The following TDRD10 variants were observed in gnomAD, a reference collection of about 807,000 sequenced individuals.
The protein encoded by TDRD10 is tudor domain-containing protein 10.
TDRD10 carries 40 observed loss-of-function variants against 48.0 expected under a neutral mutation model. That is an observed-to-expected ratio of 0.83 (90% CI 0.65 to 1.09). The LOEUF is 1.09. Ranked by LOEUF, TDRD10 falls within the 50% of genes least tolerant of loss-of-function variation. The pLI is 0.00. For synonymous variants in TDRD10, 162 were observed against 170.4 expected (o/e 0.95, Z 0.38); for missense variants, 378 against 434.7 (o/e 0.87, Z 1.16).
chr1:154,520,395 G>C (rs749435619), intron 5 of TDRD10, 21 bp downstream of exon 5: 4 of 1,601,582 alleles, frequency 2.5e-6, no homozygotes, highest in Admixed American at 3.3e-5. Context: ...TTCTTTCTTT[G>C]TTTTCTTTGG....
intron 6 of TDRD10, among the ~76,000 whole-genome samples, chr1:154,537,484 A>C (rs1694982971): frequency 2.0e-5 from 3 of 152,226 alleles, no homozygotes; most frequent in Admixed American, 2.0e-4. Flanking sequence ...CACATGCAAA[A>C]TTTCCACCAG....
intron 6 of TDRD10, among the ~76,000 whole-genome samples, chr1:154,524,408 C>T (rs576195774): frequency 1.8e-4 from 28 of 152,326 alleles, no homozygotes; most frequent in African/African-American, 6.7e-4. Flanking sequence ...CTTAAGTGAT[C>T]TGCCCACCTT....
Position 154,507,355 on chromosome 1 carries a change from C to T in TDRD10, c.82+35C>T, listed in dbSNP as rs1227917557. On this transcript the variant is annotated intron_variant, in intron 3 of 12. Transcript: ENST00000368482. ...GCTGGGGGATTCGCTGGTGCTGGGA[C>T]TCTCATCCTACAACTTGGATTCCAG... 7 of 1,609,960 alleles carry T rather than the reference C, an allele frequency of 4.3e-6. No individual in the cohort carries two copies. The South Asian group carries it at 5.5e-5, about 13-fold the overall frequency.
intron 6 of TDRD10, among the ~76,000 whole-genome samples, chr1:154,523,221 T>C (rs4584384): frequency 0.59 from 89,747 of 151,994 alleles, 27,083 homozygotes; most frequent in East Asian, 0.76. Context: ...TGTTGTGTCT[T>C]CCTAATGATT....
chr1:154,503,607 A>G (rs950858795), intron 1 of TDRD10, among the ~76,000 whole-genome samples: 1 of 152,148 alleles, frequency 6.6e-6, no homozygotes, highest in African/African-American at 2.4e-5. Context: ...AAAAACAAAC[A>G]AACAAAAAAA....
In TDRD10 at chr1:154,511,347, A is replaced by G. The variant is rs116108022; in HGVS notation, c.141+2866A>G. The stretch of plus-strand genomic sequence containing the variant: ...AAAATTTATTGTTTAAAAATGTACA[A>G]TTCAGGCCGGGCGTGGTGGCTCATG... On this transcript the variant is annotated intron_variant, in intron 4 of 12. Coordinates refer to ENST00000368482, the MANE Select transcript of TDRD10 (RefSeq NM_182499.4). Among the ~76,000 whole-genome samples the G allele has an allele frequency of 9.7e-3, 1,465 of 151,642 alleles. 34 individuals are homozygous for G. Among genetic ancestry groups the G allele is most frequent in the African/African-American group, 0.033 (1,350 of 41,374 alleles).
chr1:154,539,532 T>C (rs112394421), intron 6 of TDRD10, among the ~76,000 whole-genome samples: 29,428 of 152,096 alleles, frequency 0.19, 3,048 homozygotes, highest in South Asian at 0.23. Context: ...AGGCTGGTCT[T>C]GAACTCCTGG....
In TDRD10 at chr1:154,544,509, C is replaced by T; in HGVS notation, c.789C>T (p.Ala263=). The change falls in exon 10 of 13, where the codon GCC becomes GCT. Residue 263 remains alanine, a synonymous_variant. Transcript: ENST00000368482. ...AEYHLGDYGH[A]WNRCWVLDRV... ...ACCACCTGGGGGATTATGGACACGC[C>T]TGGAACAGGTGTGTGCCTGGGCAGG... 6.2e-7 allele frequency: 1 copy of T among 1,613,924 alleles called. No homozygotes were observed. The highest frequency in any genetic ancestry group is 1.1e-5 in the South Asian group (1 of 90,948).
chr1:154,507,459 G>A, intron 3 of TDRD10, 139 bp downstream of exon 3: 1 of 1,032,524 alleles, frequency 9.7e-7, no homozygotes, highest in Non-Finnish European at 1.4e-6. Flanking sequence ...CCTCCAGTCA[G>A]CCACCATGTT....
Position 154,521,462 on chromosome 1 carries a change from C to T in TDRD10, c.352C>T (p.Gln118Ter), listed in dbSNP as rs1055475602. ...CAAGAGGACCCCTGATATGATCCAG[C>T]AGCCTCGGGCCCCGCTGGTATGTCT... ...PPKRTPDMIQQPRAPLVLEKA... is the reference protein window; with the variant it reads ...PPKRTPDMIQ Residue 118 changes from glutamine to a stop codon, truncating the protein, a stop_gained, in exon 6 of 13, where the codon CAG becomes TAG. Coordinates refer to ENST00000368482, the MANE Select transcript of TDRD10 (RefSeq NM_182499.4). LOFTEE classifies it high-confidence loss of function. The T allele has an allele frequency of 6.2e-7, 1 of 1,613,950 alleles. No homozygotes were observed.
intron 11 of TDRD10, among the ~76,000 whole-genome samples, chr1:154,546,531 A>G (rs2149358243): frequency 6.6e-6 from 1 of 151,030 alleles, no homozygotes; most frequent in East Asian, 1.9e-4. Context: ...GCATCTCCCA[A>G]TTGTGCAGGG....
chr1:154,505,789 C>G (rs954988557), intron 1 of TDRD10, among the ~76,000 whole-genome samples: 1 of 144,872 alleles, frequency 6.9e-6, no homozygotes, highest in African/African-American at 2.5e-5. Context: ...ATAATACTCA[C>G]GGAATTGTAG....
intron 4 of TDRD10, among the ~76,000 whole-genome samples, chr1:154,520,014 A>G (rs1693975073): frequency 6.6e-6 from 1 of 152,216 alleles, no homozygotes; most frequent in Non-Finnish European, 1.5e-5. Context: ...CCAAATCTGG[A>G]TTAAATGACA....
In TDRD10 at chr1:154,520,316, T is replaced by G; in HGVS notation, c.154T>G (p.Tyr52Asp). ...CCTGCTGTTGTAGGAGGAAATTCTG[T>G]ACCTTCTAAAGGACTTCAACCCTCT... is the stretch of plus-strand genomic sequence containing the variant. Reference protein sequence around the residue: ...PLDISKEEILYLLKDFNPLDV... With the variant: ...PLDISKEEILDLLKDFNPLDV... The change falls in exon 5 of 13, where the codon TAC (tyrosine) becomes GAC (aspartate). Residue 52 changes from tyrosine (Y) to aspartate (D), a missense_variant. Physicochemically the swap from Tyr to Asp is radical, Grantham distance 160. Coordinates refer to ENST00000368482, the MANE Select transcript of TDRD10 (RefSeq NM_182499.4). The G allele has an allele frequency of 6.2e-7, 1 of 1,613,424 alleles. No individual in the cohort carries two copies. The highest frequency in any genetic ancestry group is 8.5e-7 in the Non-Finnish European group (1 of 1,179,340).
chr1:154,516,252 G>A (rs901253144), intron 4 of TDRD10, among the ~76,000 whole-genome samples: 13 of 152,180 alleles, frequency 8.5e-5, no homozygotes, highest in Non-Finnish European at 2.9e-5. Context: ...GGTCCAAGGC[G>A]TTATGTGTAA....
intron 11 of TDRD10, 78 bp from the exon 12 acceptor site, chr1:154,547,331 C>T (rs907786306): frequency 7.9e-6 from 12 of 1,528,570 alleles, no homozygotes; most frequent in South Asian, 2.3e-5. Flanking sequence ...CTGCAGCCCC[C>T]GCCTTTTGCT....
intron 4 of TDRD10, among the ~76,000 whole-genome samples, chr1:154,518,709 AGGTGAGCCACTGT>A: frequency 6.6e-6 from 1 of 152,274 alleles, no homozygotes; most frequent in South Asian, 2.1e-4. Context: ...GATTACGGGC[AGGTGAGCCACTGT>A]GCCCAGCCAC....
chr1:154,547,626 A>G, intron 12 of TDRD10, 52 bp from the exon 13 acceptor site: 2 of 1,614,162 alleles, frequency 1.2e-6, no homozygotes, highest in Non-Finnish European at 1.7e-6. Context: ...GGTTGGGTGA[A>G]CTGGCTCGGG....
chr1:154,544,157 T>G, intron 9 of TDRD10, 47 bp downstream of exon 9: 1 of 1,612,962 alleles, frequency 6.2e-7, no homozygotes. Context: ...CCTTCCTGCG[T>G]GGCCTCCCTA....
Sources: gnomAD v4.1 joint callset for allele counts (sites outside exome capture counted in the v4.1 genomes callset) on GRCh38, gnomAD v4.1.1 for gene constraint, MANE v1.5 for transcripts, NCBI Gene and HGNC (gene_info 2026-07-23, HGNC 2026-07-21) for gene names.